The following LIMCH1 variants were observed in gnomAD, a reference collection of about 807,000 sequenced individuals.
LIMCH1 encodes LIM and calponin homology domains 1.
Under a neutral mutation model 176.5 loss-of-function variants are expected in LIMCH1, and 113 were observed. The ratio of observed to expected loss-of-function variants is 0.64; its 90% CI spans 0.55 to 0.75. The LOEUF (loss-of-function observed/expected upper bound fraction) is 0.75, where lower values mean the gene tolerates loss of function less well. LIMCH1 is among the 30% of genes least tolerant of loss of function. The pLI is 0.00. For missense variants in LIMCH1, 1,674 were observed against 1,814.9 expected (o/e 0.92, Z 1.41); for synonymous variants, 619 against 645.9 (o/e 0.96, Z 0.63).
In LIMCH1 at chr4:41,650,995, C is replaced by CTATTT. The variant is rs751238492; in HGVS notation, c.3036+409_3036+413dup. 3.5e-3 allele frequency among the ~76,000 whole-genome samples: 533 copies of CTATTT among 150,918 alleles called. 5 individuals carry two copies. Among genetic ancestry groups the CTATTT allele is most frequent in the Admixed American group, 0.019 (280 of 15,090 alleles). ...TGGATGTGTCTGTATTCAGATTTCCCTATTTTATTTTATTTTATTTTATTT... is the reference window on the plus strand; with the variant it reads ...TGGATGTGTCTGTATTCAGATTTCCCTATTTTATTTTATTTTATTTTATTTTATTT... On this transcript the variant is annotated intron_variant, in intron 18 of 31. Coordinates refer to ENST00000503057, the MANE Select transcript of LIMCH1 (RefSeq NM_001330672.2).
chr4:41,648,056 C>T (rs994458785), intron 17 of LIMCH1, among the ~76,000 whole-genome samples: 1 of 152,192 alleles, frequency 6.6e-6, no homozygotes, highest in South Asian at 2.1e-4. Context: ...CTCACACACA[C>T]ACAGATAGAC....
At chr4:41,390,271 A>AGAGAGAGAGAGAGC (rs1339324639) in intron 1 of LIMCH1, among the ~76,000 whole-genome samples, 7 of 150,384 alleles carry the variant, frequency 4.7e-5, no homozygotes, top group Admixed American at 1.3e-4. Context: ...AGAGAGAGAG[A>AGAGAGAGAGAGAGC]GAGCGAGAGC....
intron 1 of LIMCH1, among the ~76,000 whole-genome samples, chr4:41,443,206 T>C (rs1479445813): frequency 8.1e-5 from 4 of 49,684 alleles, no homozygotes; most frequent in Non-Finnish European, 1.3e-4. Context: ...TTTTTTTTTT[T>C]TTTTTTTTTT....
intron 2 of LIMCH1, among the ~76,000 whole-genome samples, chr4:41,495,723 T>C (rs2072001678): frequency 6.6e-6 from 1 of 152,222 alleles, no homozygotes; most frequent in African/African-American, 2.4e-5. Context: ...AGGCTTTTTA[T>C]GAGCTTCAAA....
At chr4:41,661,393 C>G in intron 18 of LIMCH1, 27 bp from the exon 19 acceptor site, 1 of 1,490,226 alleles carries the variant, frequency 6.7e-7, no homozygotes. Flanking sequence ...ATCATTTATT[C>G]AAGGGGGAAA....
intron 1 of LIMCH1, among the ~76,000 whole-genome samples, chr4:41,464,351 T>C (rs1194510008): frequency 6.6e-6 from 1 of 151,354 alleles, no homozygotes; most frequent in African/African-American, 2.4e-5. Flanking sequence ...AGCCATTTTC[T>C]TTTTCCTTTT....
At chr4:41,429,330 A>G (rs2061398215) in intron 1 of LIMCH1, among the ~76,000 whole-genome samples, 1 of 151,480 alleles carries the variant, frequency 6.6e-6, no homozygotes. Flanking sequence ...GGGTTTTTTT[A>G]AATATAAATT....
chr4:41,475,813 T>C (rs1414851996), intron 1 of LIMCH1, among the ~76,000 whole-genome samples: 3 of 152,134 alleles, frequency 2.0e-5, no homozygotes. Context: ...CAAACCACCA[T>C]GGCACGTGTA....
chr4:41,490,273 C>CT (rs1250968695), intron 1 of LIMCH1, among the ~76,000 whole-genome samples: 2 of 149,910 alleles, frequency 1.3e-5, no homozygotes, highest in African/African-American at 2.5e-5. Context: ...TTCTTTCTCC[C>CT]TTTCTTTTTT....
upstream of LIMCH1, chr4:41,359,667 G>A (rs896323681): frequency 6.6e-6 from 1 of 152,216 alleles, no homozygotes; most frequent in African/African-American, 2.4e-5. Flanking sequence ...GGGAGGTTGA[G>A]TGGGACAAGA....
chr4:41,452,546 C>G (rs912142733), intron 1 of LIMCH1, among the ~76,000 whole-genome samples: 7 of 152,184 alleles, frequency 4.6e-5, no homozygotes, highest in Non-Finnish European at 1.0e-4. Context: ...TGATAATTGC[C>G]TTTATGATAT....
In LIMCH1 at chr4:41,486,589, C is replaced by A. The variant is rs187081345; in HGVS notation, c.97-7947C>A. On this transcript the variant is annotated intron_variant, in intron 1 of 26. Transcript: ENST00000313860. ...GTAGTTGAGACAGGCCATCCCAAATCCTGACTCCAGTGGAAGGTCTTCCCT... is the reference window on the plus strand; with the variant it reads ...GTAGTTGAGACAGGCCATCCCAAATACTGACTCCAGTGGAAGGTCTTCCCT... 2.2e-3 allele frequency among the ~76,000 whole-genome samples: 332 copies of A among 152,242 alleles called. 2 individuals are homozygous for A. The highest frequency in any genetic ancestry group is 6.9e-3 in the African/African-American group (285 of 41,532).
intron 1 of LIMCH1, among the ~76,000 whole-genome samples, chr4:41,490,001 C>G (rs925593031): frequency 6.6e-5 from 10 of 152,072 alleles, no homozygotes; most frequent in African/African-American, 2.4e-4. Flanking sequence ...GACAGAAAAT[C>G]TACTTACTAT....
chr4:41,509,305 T>C (rs2074551751), intron 2 of LIMCH1, among the ~76,000 whole-genome samples: 2 of 152,174 alleles, frequency 1.3e-5, no homozygotes. Context: ...CCCTCTTCTG[T>C]AGATGATTAG....
chr4:41,622,548 C>T (rs2092660925), intron 7 of LIMCH1, among the ~76,000 whole-genome samples: 1 of 152,130 alleles, frequency 6.6e-6, no homozygotes, highest in African/African-American at 2.4e-5. Flanking sequence ...TAATTCAGCA[C>T]ACTCAGGAAT....
intron 4 of LIMCH1, chr4:41,612,986 A>T (rs2091626004): frequency 6.5e-7 from 1 of 1,550,102 alleles, no homozygotes; most frequent in African/African-American, 1.4e-5. Context: ...AGCAAAGACA[A>T]ATGTTGCCTG....
At chr4:41,375,263 A>C (rs2054565237) in intron 1 of LIMCH1, among the ~76,000 whole-genome samples, 1 of 152,180 alleles carries the variant, frequency 6.6e-6, no homozygotes, top group South Asian at 2.1e-4. Context: ...AAGAGGCATT[A>C]ATAGATTGTT....
chr4:41,633,012 G>A lies in LIMCH1; in HGVS notation c.1756G>A (p.Glu586Lys), dbSNP rs2093406320. The A allele has an allele frequency of 3.3e-6, 5 of 1,536,020 alleles. No homozygotes were observed. Among genetic ancestry groups the A allele is most frequent in the Admixed American group, 3.9e-5 (2 of 50,982 alleles). ...SKQLPQDGKE[E>K]TESAPRDSER... is the part of the protein sequence containing the mutation. ...ACAGCTGCCACAGGATGGCAAAGAA[G>A]AAACAGAAAGCGCTCCAAGAGATTC... Residue 586 changes from glutamate to lysine, a missense_variant, in exon 12 of 32, where the codon GAA becomes AAA. Coordinates refer to ENST00000503057, the MANE Select transcript of LIMCH1 (RefSeq NM_001330672.2).
In LIMCH1 at chr4:41,453,856, AG is replaced by A. The variant is rs1469119841; in HGVS notation, c.97-40679del. On this transcript the variant is annotated intron_variant, in intron 1 of 26. Coordinates refer to the LIMCH1 transcript ENST00000313860. ...TTTCTTAGGATGAATCTCCAGCCTG[AG>A]TGCCTCCATTTATCTCATTTCTCTG... 4.6e-5 allele frequency among the ~76,000 whole-genome samples: 7 copies of A among 152,270 alleles called. No individual in the cohort carries two copies. In the South Asian group the frequency reaches 1.5e-3, roughly 32 times the overall value.
Sources: allele counts gnomAD v4.1 joint callset (sites outside exome capture counted in the v4.1 genomes callset), GRCh38; gene constraint gnomAD v4.1.1; transcripts MANE v1.5; gene names NCBI Gene and HGNC (gene_info 2026-07-23, HGNC 2026-07-21).